The following FANCL variants were observed in gnomAD, a reference collection of about 807,000 sequenced individuals.
FANCL encodes FA complementation group L, also known as E3 ubiquitin-protein ligase FANCL.
In FANCL, 69 loss-of-function variants were observed where a neutral mutation model predicts 59.4. That is an observed-to-expected ratio of 1.16 (90% confidence interval 0.96 to 1.42). The LOEUF is 1.42. Among genes scored for constraint, FANCL ranks in the 40% most tolerant of loss-of-function variants. The probability of loss-of-function intolerance (pLI) is 0.00; values close to 1 mark genes in which losing one functional copy is unlikely to be tolerated. For missense variants in FANCL, 519 were observed against 447.2 expected, an observed-to-expected ratio of 1.16 and a Z score of -1.45; for synonymous variants, 180 against 147.1, an observed-to-expected ratio of 1.22 and a Z score of -1.62.
chr2:58,196,489 C>A (rs1689435066), intron 7 of FANCL, among the ~76,000 whole-genome samples: 1 of 151,810 alleles, frequency 6.6e-6, no homozygotes, highest in South Asian at 2.1e-4. Context: ...CTTAGAGTTA[C>A]TACAAAACAA....
chr2:58,204,094 T>A (rs1467091751), intron 6 of FANCL, 36 bp downstream of exon 6: 1 of 1,500,512 alleles, frequency 6.7e-7, no homozygotes, highest in East Asian at 2.3e-5. Flanking sequence ...CACAAAGTAT[T>A]TTCTGATCAC....
intron 5 of FANCL, among the ~76,000 whole-genome samples, chr2:58,206,657 A>T (rs1176169701): frequency 6.6e-6 from 1 of 152,192 alleles, no homozygotes; most frequent in Non-Finnish European, 1.5e-5. Context: ...AATTATCATC[A>T]TCCCACAATG....
chr2:58,194,680 G>A (rs1689260518), intron 7 of FANCL, among the ~76,000 whole-genome samples: 1 of 151,974 alleles, frequency 6.6e-6, no homozygotes. Flanking sequence ...TGCTGATCAT[G>A]CTGTGAGACA....
intron 5 of FANCL, among the ~76,000 whole-genome samples, chr2:58,216,115 G>A (rs1363497911): frequency 6.6e-6 from 1 of 152,116 alleles, no homozygotes; most frequent in East Asian, 1.9e-4. Flanking sequence ...AAAGGTTAGA[G>A]TTTAGGATCT....
At chr2:58,183,006 T>G (rs1372139856) in intron 7 of FANCL, among the ~76,000 whole-genome samples, 1 of 151,774 alleles carries the variant, frequency 6.6e-6, no homozygotes, top group Non-Finnish European at 1.5e-5. Flanking sequence ...ATAATGAAGA[T>G]AAAATGTCAA....
chr2:58,203,385 G>C (rs1406196577), intron 6 of FANCL, among the ~76,000 whole-genome samples: 1 of 151,480 alleles, frequency 6.6e-6, no homozygotes, highest in Non-Finnish European at 1.5e-5. Flanking sequence ...AAAAAGAGTT[G>C]ATTGATTGAC....
chr2:58,169,149 G>A (rs1020500394), intron 7 of FANCL, among the ~76,000 whole-genome samples: 1 of 152,182 alleles, frequency 6.6e-6, no homozygotes, highest in Non-Finnish European at 1.5e-5. Flanking sequence ...AACTCATACA[G>A]GAGAGCTCCA....
intron 5 of FANCL, among the ~76,000 whole-genome samples, chr2:58,216,551 A>G (rs1281193675): frequency 1.3e-5 from 2 of 152,204 alleles, no homozygotes; most frequent in Non-Finnish European, 2.9e-5. Flanking sequence ...GAGCAGAGAC[A>G]AGATTTAAGA....
intron 7 of FANCL, among the ~76,000 whole-genome samples, chr2:58,188,588 T>C (rs1374331305): frequency 6.6e-6 from 1 of 151,764 alleles, no homozygotes; most frequent in Admixed American, 6.6e-5. Context: ...TACAGACACG[T>C]TGCCCCCACA....
chr2:58,230,275 G>A (rs938498120), intron 2 of FANCL, among the ~76,000 whole-genome samples: 8 of 151,998 alleles, frequency 5.3e-5, no homozygotes, highest in South Asian at 2.1e-4. Flanking sequence ...TCAAATTCCC[G>A]ATTAATATAA....
chr2:58,216,348 C>T (rs776744907), intron 5 of FANCL, among the ~76,000 whole-genome samples: 60 of 152,114 alleles, frequency 3.9e-4, no homozygotes, highest in Non-Finnish European at 4.4e-4. Flanking sequence ...CATCTGGGGC[C>T]TCTAAACTAT....
rs1464909712 is a variant in FANCL, at chr2:58,161,426, TG to T, written c.1020+95del. The T allele has an allele frequency of 5.6e-5, 47 of 835,296 alleles. No individual in the cohort carries two copies. The East Asian group carries it at 1.1e-3, about 19-fold the overall frequency. 51.7% of individuals were successfully genotyped at this position (835,296 alleles called of 1,614,324 possible). On this transcript the variant is annotated intron_variant, in intron 12 of 13. Coordinates refer to ENST00000233741, the MANE Select transcript of FANCL (RefSeq NM_018062.4). ...TAATGGCAAAAGAGAGGATCACTAT[TG>T]ACTCAACAGATTTTAGATTCTGTGT...
chr2:58,222,155 GT>G (rs921869606), intron 4 of FANCL, 113 bp from the exon 5 acceptor site: 41 of 722,628 alleles, frequency 5.7e-5, no homozygotes, highest in Non-Finnish European at 7.3e-5. Flanking sequence ...AAAAGTGCCT[GT>G]TTTTTTACGG....
intron 7 of FANCL, among the ~76,000 whole-genome samples, chr2:58,195,388 C>T (rs1398679697): frequency 1.3e-5 from 2 of 151,862 alleles, no homozygotes; most frequent in Non-Finnish European, 2.9e-5. Flanking sequence ...TGAAATCAGC[C>T]CCCAACCCGC....
chr2:58,211,163 G>C (rs1691108924), intron 5 of FANCL, among the ~76,000 whole-genome samples: 2 of 152,210 alleles, frequency 1.3e-5, no homozygotes, highest in Non-Finnish European at 2.9e-5. Context: ...GCAAACTTCT[G>C]CCTGGGCATC....
intron 7 of FANCL, among the ~76,000 whole-genome samples, chr2:58,181,192 T>C (rs1687906410): frequency 6.6e-6 from 1 of 152,044 alleles, no homozygotes; most frequent in Non-Finnish European, 1.5e-5. Context: ...CCTCAGTATA[T>C]TCATGCAATG....
At chr2:58,193,685 A>T (rs1437721049) in intron 7 of FANCL, among the ~76,000 whole-genome samples, 1 of 152,200 alleles carries the variant, frequency 6.6e-6, no homozygotes, top group Non-Finnish European at 1.5e-5. Flanking sequence ...CAACAAAAAC[A>T]GCAGAGGAAA....
intron 7 of FANCL, among the ~76,000 whole-genome samples, chr2:58,176,790 T>C (rs1217487754): frequency 6.6e-6 from 1 of 152,056 alleles, no homozygotes; most frequent in Non-Finnish European, 1.5e-5. Context: ...GGGATCTAAT[T>C]AAACTAAAGA....
chr2:58,179,981 T>C (rs1383486488), intron 7 of FANCL, among the ~76,000 whole-genome samples: 1 of 152,166 alleles, frequency 6.6e-6, no homozygotes, highest in South Asian at 2.1e-4. Flanking sequence ...AAGCTCATCA[T>C]CACTGGTCAT....
Sources: allele counts gnomAD v4.1 joint callset (sites outside exome capture counted in the v4.1 genomes callset), GRCh38; gene constraint gnomAD v4.1.1; transcripts MANE v1.5; gene names NCBI Gene and HGNC (gene_info 2026-07-23, HGNC 2026-07-21).